Variants in VAV3 observed in about 807,000 individuals in gnomAD.
The protein encoded by VAV3 is vav guanine nucleotide exchange factor 3.
VAV3 carries 94 observed loss-of-function variants against 131.2 expected under a neutral mutation model. That is an observed-to-expected ratio of 0.72 (90% CI 0.61 to 0.85). The LOEUF (loss-of-function observed/expected upper bound fraction) is 0.85. VAV3 is among the 40% of genes least tolerant of loss of function. VAV3 has a pLI of 0.00. For missense variants in VAV3, 939 were observed against 1,002.7 expected (o/e 0.94, Z 0.86); for synonymous variants, 349 against 342.0 (o/e 1.02, Z -0.22).
intron 18 of VAV3, among the ~76,000 whole-genome samples, chr1:107,686,926 A>C (rs1659070476): frequency 6.6e-6 from 1 of 152,112 alleles, no homozygotes; most frequent in African/African-American, 2.4e-5. Context: ...TGGAAAAAAT[A>C]ATATATATAT....
chr1:107,897,411 A>C (rs1203769928), intron 1 of VAV3: 1 of 151,862 alleles, frequency 6.6e-6, no homozygotes. Flanking sequence ...AAAGACAAGA[A>C]GAGGTGAGTA....
chr1:107,735,533 C>T (rs149897857), intron 15 of VAV3, among the ~76,000 whole-genome samples: 4,065 of 151,280 alleles, frequency 0.027, 180 homozygotes, highest in African/African-American at 0.091. Flanking sequence ...ATATCACCAC[C>T]GATCCCACAG....
At chr1:107,925,659 G>A (rs74850908) in intron 1 of VAV3, among the ~76,000 whole-genome samples, 5,044 of 152,150 alleles carry the variant, frequency 0.033, 116 homozygotes, top group South Asian at 0.13. Flanking sequence ...TAGAATGGTG[G>A]CTGTCAATGG....
intron 1 of VAV3, among the ~76,000 whole-genome samples, chr1:107,915,829 A>C (rs1379273799): frequency 6.6e-6 from 1 of 152,176 alleles, no homozygotes; most frequent in Non-Finnish European, 1.5e-5. Flanking sequence ...CTGTGGACTT[A>C]CTAGGTCCGG....
At chr1:107,718,203 C>A (rs1186319130) in intron 15 of VAV3, among the ~76,000 whole-genome samples, 1 of 152,028 alleles carries the variant, frequency 6.6e-6, no homozygotes, top group Non-Finnish European at 1.5e-5. Flanking sequence ...GAAGTTCTGG[C>A]CAGGGCAATC....
At chr1:107,937,061 G>A (rs1673756006) in intron 1 of VAV3, among the ~76,000 whole-genome samples, 1 of 152,128 alleles carries the variant, frequency 6.6e-6, no homozygotes, top group Non-Finnish European at 1.5e-5. Context: ...CCTAGCAAGA[G>A]TGACAGTCTA....
intron 19 of VAV3, among the ~76,000 whole-genome samples, chr1:107,660,133 T>C (rs1656901410): frequency 6.6e-6 from 1 of 152,202 alleles, no homozygotes; most frequent in African/African-American, 2.4e-5. Context: ...CCATGTTTTT[T>C]TCTTTCCCAG....
intron 22 of VAV3, among the ~76,000 whole-genome samples, chr1:107,606,958 CTTTT>C (rs11392912): frequency 6.9e-6 from 1 of 144,504 alleles, no homozygotes; most frequent in Non-Finnish European, 1.5e-5. Flanking sequence ...GGAGTCTGAT[CTTTT>C]TTTTTTTTTT....
intron 1 of VAV3, among the ~76,000 whole-genome samples, chr1:107,946,347 G>C (rs1674260473): frequency 2.6e-5 from 4 of 152,138 alleles, no homozygotes; most frequent in African/African-American, 9.7e-5. Context: ...GATTGAGAGG[G>C]GTTAAGTAAT....
At chr1:107,868,358 A>G (rs1670099194) in intron 2 of VAV3, among the ~76,000 whole-genome samples, 1 of 152,164 alleles carries the variant, frequency 6.6e-6, no homozygotes, top group South Asian at 2.1e-4. Flanking sequence ...ACTAGATAAT[A>G]AGGCTCTTTC....
intron 2 of VAV3, among the ~76,000 whole-genome samples, chr1:107,803,148 T>C (rs1013857343): frequency 1.3e-5 from 2 of 152,042 alleles, no homozygotes; most frequent in South Asian, 2.1e-4. Flanking sequence ...TAGTTTCTAA[T>C]GATTCTTTTT....
intron 2 of VAV3, among the ~76,000 whole-genome samples, chr1:107,799,847 T>G (rs1666741146): frequency 6.6e-6 from 1 of 152,088 alleles, no homozygotes; most frequent in South Asian, 2.1e-4. Context: ...CATCCCTCCC[T>G]CCCTCCTTCC....
rs564483728 is a variant in VAV3 at position 107,903,915 on chromosome 1, C to A, written c.205-28898G>T. 5.9e-5 allele frequency among the ~76,000 whole-genome samples: 9 copies of A among 152,262 alleles called. No individual in the cohort carries two copies. In the South Asian group the frequency reaches 8.3e-4, roughly 14 times the overall value. Reference sequence around the variant, plus strand: ...CAATCCATCAGCAGCTCCTCTCAACCCTCTGCCGCCTGCCTCATACTACTC... The same window carrying A: ...CAATCCATCAGCAGCTCCTCTCAACACTCTGCCGCCTGCCTCATACTACTC... On this transcript the variant is annotated intron_variant, in intron 1 of 26. Transcript: ENST00000370056.
chr1:107,592,309 C>T (rs989333974), intron 25 of VAV3, among the ~76,000 whole-genome samples: 1 of 152,090 alleles, frequency 6.6e-6, no homozygotes, highest in Non-Finnish European at 1.5e-5. Flanking sequence ...GACAATAATA[C>T]CACCAAAGTG....
intron 1 of VAV3, among the ~76,000 whole-genome samples, chr1:107,930,103 T>G (rs1300744776): frequency 6.6e-6 from 1 of 151,722 alleles, no homozygotes; most frequent in East Asian, 1.9e-4. Context: ...AAAAATAGAG[T>G]AAGATATACT....
chr1:107,656,770 T>C (rs868830265), intron 19 of VAV3, among the ~76,000 whole-genome samples: 30 of 152,090 alleles, frequency 2.0e-4, no homozygotes, highest in Admixed American at 7.2e-4. Flanking sequence ...GAAATTATCC[T>C]AGCTCTCTGT....
At chr1:107,744,577 C>T (rs1663218989) in intron 15 of VAV3, among the ~76,000 whole-genome samples, 1 of 152,122 alleles carries the variant, frequency 6.6e-6, no homozygotes, top group African/African-American at 2.4e-5. Flanking sequence ...CTTTTGCTAA[C>T]TTTTCTTTTT....
chr1:107,876,283 C>T (rs1236197738), intron 1 of VAV3, among the ~76,000 whole-genome samples: 1 of 152,106 alleles, frequency 6.6e-6, no homozygotes, highest in Non-Finnish European at 1.5e-5. Context: ...TTGACAAAAG[C>T]AGGCTCTATA....
chr1:107,641,569 C>T (rs1247189141), intron 20 of VAV3, among the ~76,000 whole-genome samples: 2 of 152,084 alleles, frequency 1.3e-5, no homozygotes, highest in African/African-American at 4.8e-5. Flanking sequence ...AAAGGTCCAC[C>T]GGCCAAGAGA....
Sources: gnomAD v4.1 joint callset for allele counts (sites outside exome capture counted in the v4.1 genomes callset) on GRCh38, gnomAD v4.1.1 for gene constraint, MANE v1.5 for transcripts, NCBI Gene and HGNC (gene_info 2026-07-23, HGNC 2026-07-21) for gene names.